The following PDE3B variants were observed in gnomAD, a reference collection of about 807,000 sequenced individuals.
The protein encoded by PDE3B is cGMP-inhibited 3',5'-cyclic phosphodiesterase 3B.
PDE3B carries 66 observed loss-of-function variants against 116.8 expected under a neutral mutation model. The ratio of observed to expected loss-of-function variants is 0.56; its 90% CI spans 0.46 to 0.69. The LOEUF (loss-of-function observed/expected upper bound fraction) is 0.69, where lower values mean the gene tolerates loss of function less well. Among genes scored for constraint, PDE3B ranks in the 30% least tolerant of loss-of-function variants. PDE3B has a pLI of 0.00. For missense variants in PDE3B, 1,384 were observed against 1,368.1 expected, an observed-to-expected ratio of 1.01 and a Z score of -0.18; for synonymous variants, 595 against 533.6, an observed-to-expected ratio of 1.12 and a Z score of -1.59.
intron 4 of PDE3B, among the ~76,000 whole-genome samples, chr11:14,797,442 A>G (rs985789867): frequency 2.0e-5 from 3 of 152,190 alleles, no homozygotes; most frequent in Non-Finnish European, 4.4e-5. Context: ...TGAAATTTAA[A>G]GTAGTTTTTT....
At chr11:14,829,446 A>G (rs1418341669) in intron 7 of PDE3B, among the ~76,000 whole-genome samples, 4 of 152,228 alleles carry the variant, frequency 2.6e-5, no homozygotes, top group African/African-American at 9.6e-5. Flanking sequence ...TGGAAAAGTA[A>G]TAAATGATTA....
chr11:14,879,853 T>TAA, the PDE3B span, among the ~76,000 whole-genome samples: 1 of 152,278 alleles, frequency 6.6e-6, no homozygotes, highest in Non-Finnish European at 1.5e-5. Context: ...AATTAGTTTT[T>TAA]AAAATTCTAT....
At chr11:14,661,922 A>C (rs1199682911) in intron 1 of PDE3B, among the ~76,000 whole-genome samples, 3 of 152,188 alleles carry the variant, frequency 2.0e-5, no homozygotes, top group African/African-American at 7.2e-5. Flanking sequence ...GCAGACTTAA[A>C]TGTCCCTGTC....
At chr11:14,864,842 T>C (rs191495218) in intron 14 of PDE3B, among the ~76,000 whole-genome samples, 3 of 152,242 alleles carry the variant, frequency 2.0e-5, no homozygotes, top group African/African-American at 7.2e-5. Context: ...TAAAGCAGTG[T>C]TTAGAGGGAA....
intron 12 of PDE3B, among the ~76,000 whole-genome samples, chr11:14,846,403 C>T (rs527507109): frequency 3.3e-4 from 51 of 152,300 alleles, no homozygotes; most frequent in African/African-American, 1.1e-3. Flanking sequence ...TTGTAAAGAC[C>T]ATCGAGGCTA....
At chr11:14,656,109 G>A (rs1346012431) in intron 1 of PDE3B, among the ~76,000 whole-genome samples, 3 of 152,094 alleles carry the variant, frequency 2.0e-5, no homozygotes, top group South Asian at 4.1e-4. Flanking sequence ...GAGTGGAAAA[G>A]CCCTGGTGAT....
intron 2 of PDE3B, among the ~76,000 whole-genome samples, chr11:14,785,183 A>G (rs979311777): frequency 6.6e-6 from 1 of 152,168 alleles, no homozygotes; most frequent in African/African-American, 2.4e-5. Context: ...TTATTTTAAC[A>G]TGTTAATTTG....
At chr11:14,880,115 G>A in the PDE3B span, 1 of 1,611,306 alleles carries the variant, frequency 6.2e-7, no homozygotes, top group East Asian at 2.2e-5. Flanking sequence ...TAGACCCTGA[G>A]ATCATCAAGA....
chr11:14,838,169 C>T (rs1037227455), intron 11 of PDE3B, among the ~76,000 whole-genome samples: 3 of 151,948 alleles, frequency 2.0e-5, no homozygotes, highest in Middle Eastern at 6.8e-3. Flanking sequence ...TTAGTGGAGA[C>T]GGGTTTTCAC....
chr11:14,662,706 C>T (rs1045021561), intron 1 of PDE3B, among the ~76,000 whole-genome samples: 4 of 152,240 alleles, frequency 2.6e-5, no homozygotes, highest in Admixed American at 1.3e-4. Context: ...GAAAGGGTAT[C>T]AGTGATGGAA....
chr11:14,879,207 A>T, the PDE3B span: 1 of 1,613,170 alleles, frequency 6.2e-7, no homozygotes, highest in African/African-American at 1.3e-5. Context: ...TCTCTCCAGT[A>T]CTTTTCATCA....
chr11:14,860,883 G>A (rs1555007015), intron 13 of PDE3B, among the ~76,000 whole-genome samples: 2 of 150,162 alleles, frequency 1.3e-5, no homozygotes, highest in South Asian at 2.1e-4. Context: ...TTGATATTGT[G>A]TATGTACTAT....
Position 14,705,433 on chromosome 11 carries a change from A to G in PDE3B, c.978+60380A>G, listed in dbSNP as rs150786871. 1.1e-3 allele frequency among the ~76,000 whole-genome samples: 162 copies of G among 151,962 alleles called. 1 individual carries two copies. Among genetic ancestry groups the G allele is most frequent in the East Asian group, 1.3e-3 (7 of 5,186 alleles). ...ATATCATTTATATGAGATTTTAGAA[A>G]TCAAAAACTAATTTATGGTGTCAGA... On this transcript the variant is annotated intron_variant, in intron 1 of 15. Coordinates refer to ENST00000282096, the MANE Select transcript of PDE3B (RefSeq NM_000922.4).
chr11:14,745,731 T>C (rs1265894981), intron 1 of PDE3B, among the ~76,000 whole-genome samples: 1 of 152,190 alleles, frequency 6.6e-6, no homozygotes, highest in Non-Finnish European at 1.5e-5. Flanking sequence ...CCATTTTTTT[T>C]CCACCCTCCC....
intron 5 of PDE3B, among the ~76,000 whole-genome samples, chr11:14,815,260 C>A (rs1196983976): frequency 1.3e-5 from 2 of 152,194 alleles, no homozygotes; most frequent in Non-Finnish European, 2.9e-5. Context: ...TCTATTGCTG[C>A]ATATCAGATT....
intron 14 of PDE3B, among the ~76,000 whole-genome samples, chr11:14,866,030 G>C (rs960911127): frequency 1.3e-5 from 2 of 152,204 alleles, no homozygotes; most frequent in Admixed American, 1.3e-4. Flanking sequence ...CCTTGGTTGG[G>C]TAAGTTACTT....
intron 11 of PDE3B, among the ~76,000 whole-genome samples, chr11:14,842,109 A>G (rs1847484792): frequency 6.6e-6 from 1 of 152,158 alleles, no homozygotes; most frequent in South Asian, 2.1e-4. Flanking sequence ...GGGATTTCCT[A>G]CATATACGAG....
At chr11:14,673,473 A>G (rs1310403191) in intron 1 of PDE3B, 3 of 276,234 alleles carry the variant, frequency 1.1e-5, no homozygotes, top group East Asian at 8.9e-5. Flanking sequence ...AGAAAAAAAC[A>G]TCAGTTGTTA....
At position 14,673,958 on chromosome 11, in the gene PDE3B, AT is replaced by A. The variant is rs1297073431; in HGVS notation, c.978+28908del. ...CTGTGTTTCCACCAGATTTCTTGTAATTTGCGTAATCCTCAAGAATGGAATC... is the reference window on the plus strand; with the variant it reads ...CTGTGTTTCCACCAGATTTCTTGTAATTGCGTAATCCTCAAGAATGGAATC... On this transcript the variant is annotated intron_variant, in intron 1 of 15. Transcript: ENST00000282096. 248 of 1,355,000 alleles carry A rather than the reference AT, an allele frequency of 1.8e-4. No individual in the cohort carries two copies. In the African/African-American group the frequency reaches 3.1e-3, roughly 17 times the overall value. 83.9% of individuals were successfully genotyped at this position (1,355,000 alleles called of 1,614,324 possible). A position where few individuals can be genotyped will look rare whatever the true frequency, so the allele number is the denominator to read the frequency against.
Sources: gnomAD v4.1 joint callset for allele counts (sites outside exome capture counted in the v4.1 genomes callset) on GRCh38, gnomAD v4.1.1 for gene constraint, MANE v1.5 for transcripts, NCBI Gene and HGNC (gene_info 2026-07-23, HGNC 2026-07-21) for gene names.